SLC24A2: variants seen among roughly 807,000 people sequenced by gnomAD.
SLC24A2 encodes solute carrier family 24 member 2, also known as sodium/potassium/calcium exchanger 2.
In SLC24A2, 36 loss-of-function variants were observed where a neutral mutation model predicts 62.0. The ratio of observed to expected loss-of-function variants is 0.58; its 90% CI spans 0.44 to 0.77. The LOEUF (loss-of-function observed/expected upper bound fraction) is 0.77, where lower values mean the gene tolerates loss of function less well. Among genes scored for constraint, SLC24A2 ranks in the 30% least tolerant of loss-of-function variants. The pLI is 0.00. For synonymous variants in SLC24A2, 358 were observed against 294.0 expected, an observed-to-expected ratio of 1.22 and a Z score of -2.23; for missense variants, 846 against 817.9, an observed-to-expected ratio of 1.03 and a Z score of -0.42.
the SLC24A2 span, among the ~76,000 whole-genome samples, chr9:19,883,786 T>A: frequency 3.9e-5 from 6 of 152,044 alleles, no homozygotes; most frequent in Non-Finnish European, 8.8e-5. Context: ...AGGATGGTCT[T>A]GATCTCCTGA....
At chr9:20,102,350 GA>G in the SLC24A2 span, among the ~76,000 whole-genome samples, 1 of 152,072 alleles carries the variant, frequency 6.6e-6, no homozygotes, top group African/African-American at 2.4e-5. Context: ...CAGGGACATG[GA>G]TGAAGCTGGA....
At chr9:20,085,269 G>A in the SLC24A2 span, among the ~76,000 whole-genome samples, 1 of 152,164 alleles carries the variant, frequency 6.6e-6, no homozygotes, top group South Asian at 2.1e-4. Context: ...AAAATGCTGG[G>A]ATTACAGGCA....
chr9:20,161,579 T>C, the SLC24A2 span, among the ~76,000 whole-genome samples: 1 of 151,382 alleles, frequency 6.6e-6, no homozygotes, highest in African/African-American at 2.4e-5. Flanking sequence ...TATGAGAAAC[T>C]ATATTAATAT....
At chr9:19,959,785 G>A in the SLC24A2 span, among the ~76,000 whole-genome samples, 3 of 152,144 alleles carry the variant, frequency 2.0e-5, no homozygotes, top group Non-Finnish European at 4.4e-5. Context: ...AATGATTACT[G>A]TGCTGGGTAG....
intron 5 of SLC24A2, among the ~76,000 whole-genome samples, chr9:19,587,834 A>G (rs749651593): frequency 7.2e-5 from 11 of 152,238 alleles, no homozygotes; most frequent in Non-Finnish European, 1.0e-4. Flanking sequence ...TACATATGCA[A>G]TGTGACAAAA....
At chr9:19,812,434 T>C in the SLC24A2 span, among the ~76,000 whole-genome samples, 2 of 152,204 alleles carry the variant, frequency 1.3e-5, no homozygotes, top group African/African-American at 2.4e-5. Context: ...TCTCTATTGC[T>C]ATCTCTAATC....
chr9:19,803,935 G>T, the SLC24A2 span, among the ~76,000 whole-genome samples: 2 of 152,060 alleles, frequency 1.3e-5, no homozygotes, highest in African/African-American at 4.8e-5. Context: ...CATTTCTCTT[G>T]TTTTTAGTGA....
the SLC24A2 span, among the ~76,000 whole-genome samples, chr9:19,815,959 C>CTT: frequency 0.63 from 65,267 of 103,240 alleles, 23,189 homozygotes; most frequent in Non-Finnish European, 0.79. Flanking sequence ...TTTTTTGCCC[C>CTT]TTTTTTTTTT....
At chr9:20,009,536 G>A in the SLC24A2 span, among the ~76,000 whole-genome samples, 2 of 152,028 alleles carry the variant, frequency 1.3e-5, no homozygotes, top group African/African-American at 4.8e-5. Context: ...AGAAAACATG[G>A]TCCACAGGTC....
chr9:20,040,222 G>A, the SLC24A2 span, among the ~76,000 whole-genome samples: 1 of 152,126 alleles, frequency 6.6e-6, no homozygotes, highest in South Asian at 2.1e-4. Context: ...TGTTGTTAGT[G>A]TTTAAAGATT....
chr9:20,228,546 G>T, the SLC24A2 span, among the ~76,000 whole-genome samples: 4 of 152,156 alleles, frequency 2.6e-5, no homozygotes, highest in African/African-American at 9.7e-5. Context: ...CAAGTGGAAG[G>T]GAGTAGACTG....
At chr9:19,550,082 CCT>C in intron 8 of SLC24A2, 53 bp downstream of exon 8, 2 of 1,575,474 alleles carry the variant, frequency 1.3e-6, no homozygotes, top group South Asian at 1.1e-5. Flanking sequence ...GACTATGCAC[CCT>C]GTTATGTACC....
chr9:19,606,908 G>C (rs1393259785), intron 4 of SLC24A2, among the ~76,000 whole-genome samples: 3 of 152,186 alleles, frequency 2.0e-5, no homozygotes, highest in Non-Finnish European at 4.4e-5. Context: ...GCCAGTTGAG[G>C]ATTGAGTTTA....
chr9:19,791,280 A>T (rs1823317862), upstream of SLC24A2, among the ~76,000 whole-genome samples: 1 of 152,130 alleles, frequency 6.6e-6, no homozygotes, highest in Admixed American at 6.5e-5. Context: ...TGAAAGGCAG[A>T]AGGCCTCCTT....
chr9:19,592,285 C>T (rs1308827247), intron 5 of SLC24A2, among the ~76,000 whole-genome samples: 3 of 152,008 alleles, frequency 2.0e-5, no homozygotes, highest in African/African-American at 7.2e-5. Context: ...AATTTTTTTG[C>T]CCTTGATATC....
At chr9:20,218,784 T>A in the SLC24A2 span, among the ~76,000 whole-genome samples, 1 of 152,264 alleles carries the variant, frequency 6.6e-6, no homozygotes. Flanking sequence ...CAATCACACA[T>A]GTATTTCTTA....
At chr9:20,253,473 G>A in the SLC24A2 span, among the ~76,000 whole-genome samples, 1 of 152,188 alleles carries the variant, frequency 6.6e-6, no homozygotes, top group Admixed American at 6.6e-5. Context: ...GTAGATAAAA[G>A]GAGAGAGACC....
At chr9:19,541,621 G>C (rs984111242) in intron 8 of SLC24A2, among the ~76,000 whole-genome samples, 3 of 147,844 alleles carry the variant, frequency 2.0e-5, no homozygotes, top group African/African-American at 7.6e-5. Flanking sequence ...CTGTCAGACA[G>C]GGACACTTAA....
the SLC24A2 span, among the ~76,000 whole-genome samples, chr9:19,808,856 T>C: frequency 6.6e-6 from 1 of 152,230 alleles, no homozygotes; most frequent in African/African-American, 2.4e-5. The surrounding 1 kb of genome is among the most constrained non-coding windows in gnomAD (Gnocchi z 4.1). Flanking sequence ...ATGTGATGTG[T>C]TACATCCGCA....
Sources: allele counts gnomAD v4.1 joint callset (sites outside exome capture counted in the v4.1 genomes callset), GRCh38; gene constraint gnomAD v4.1.1; non-coding constraint Gnocchi (gnomAD v3.1); transcripts MANE v1.5; gene names NCBI Gene and HGNC (gene_info 2026-07-23, HGNC 2026-07-21).